TENM2: variants seen among roughly 807,000 people sequenced by gnomAD.
The protein encoded by TENM2 is teneurin transmembrane protein 2.
A neutral mutation model predicts 245.2 loss-of-function variants in TENM2; 52 were observed. The ratio of observed to expected loss-of-function variants is 0.21; its 90% CI spans 0.17 to 0.27. TENM2 has a LOEUF of 0.27. TENM2 is among the 10% of genes least tolerant of loss of function. The pLI is 1.00. For synonymous variants in TENM2, 1,363 were observed against 1,438.9 expected (o/e 0.95, Z 1.19); for missense variants, 3,046 against 3,666.8 (o/e 0.83, Z 4.37).
chr5:167,236,691 T>C, the TENM2 span, among the ~76,000 whole-genome samples: 1 of 152,276 alleles, frequency 6.6e-6, no homozygotes, highest in African/African-American at 2.4e-5. Context: ...AAGGTGAGGA[T>C]TGAGTGGTCC....
At chr5:167,194,022 G>T in the TENM2 span, among the ~76,000 whole-genome samples, 1 of 151,908 alleles carries the variant, frequency 6.6e-6, no homozygotes, top group Non-Finnish European at 1.5e-5. Flanking sequence ...TTTCATTCAA[G>T]CTCAGGTTCT....
At chr5:167,001,264 T>C in the TENM2 span, among the ~76,000 whole-genome samples, 1 of 152,184 alleles carries the variant, frequency 6.6e-6, no homozygotes, top group African/African-American at 2.4e-5. Context: ...GGTTTGCTAA[T>C]GGAAAGAAAA....
chr5:167,833,158 A>G (rs7714210), intron 2 of TENM2, among the ~76,000 whole-genome samples: 23,333 of 152,100 alleles, frequency 0.15, 3,295 homozygotes, highest in East Asian at 0.69. Flanking sequence ...TTTATTTATT[A>G]TTTGTAATTT....
intron 13 of TENM2, among the ~76,000 whole-genome samples, chr5:168,176,352 CCT>C (rs879542063): frequency 3.9e-5 from 6 of 152,202 alleles, no homozygotes; most frequent in Admixed American, 3.3e-4. Flanking sequence ...TCTTCCTCGT[CCT>C]CTCTCTGCCA....
intron 2 of TENM2, among the ~76,000 whole-genome samples, chr5:167,484,073 G>A (rs564285990): frequency 2.6e-5 from 4 of 152,284 alleles, no homozygotes; most frequent in South Asian, 4.1e-4. Flanking sequence ...GCAGCTGGGC[G>A]TGGTGGCTCA....
At chr5:167,688,639 C>A (rs1409902676) in intron 2 of TENM2, among the ~76,000 whole-genome samples, 2 of 152,150 alleles carry the variant, frequency 1.3e-5, no homozygotes, top group Non-Finnish European at 2.9e-5. Context: ...ACCATGAAAA[C>A]AAGTGCTCAT....
At chr5:167,075,741 G>T in the TENM2 span, among the ~76,000 whole-genome samples, 1 of 152,112 alleles carries the variant, frequency 6.6e-6, no homozygotes, top group South Asian at 2.1e-4. Context: ...TTGATGCAGG[G>T]CCTGGCTTGC....
chr5:168,238,013 C>T (rs1176110405), intron 25 of TENM2, among the ~76,000 whole-genome samples: 3 of 151,162 alleles, frequency 2.0e-5, no homozygotes, highest in East Asian at 3.9e-4. Context: ...GGCATGGTGG[C>T]GGGCGCCTGT....
intron 2 of TENM2, among the ~76,000 whole-genome samples, chr5:167,419,519 C>G (rs1051142645): frequency 6.6e-6 from 1 of 152,218 alleles, no homozygotes; most frequent in South Asian, 2.1e-4. Flanking sequence ...TTTAGAACGA[C>G]AAAATTTCAT....
chr5:167,503,429 G>A (rs1769340624), intron 2 of TENM2, among the ~76,000 whole-genome samples: 2 of 151,794 alleles, frequency 1.3e-5, no homozygotes, highest in African/African-American at 4.8e-5. Context: ...AAAGAAGAGA[G>A]GAAGAAAAGG....
At chr5:167,336,140 C>A (rs775125439) in intron 1 of TENM2, among the ~76,000 whole-genome samples, 17 of 148,946 alleles carry the variant, frequency 1.1e-4, no homozygotes, top group Non-Finnish European at 2.5e-4. Context: ...TACAAAAATT[C>A]ATCCATTGGC....
intron 2 of TENM2, among the ~76,000 whole-genome samples, chr5:167,446,519 T>A (rs1582070699): frequency 1.3e-5 from 2 of 152,324 alleles, no homozygotes; most frequent in East Asian, 3.9e-4. Context: ...TTCTAATATG[T>A]GACTTGGAAC....
intron 2 of TENM2, among the ~76,000 whole-genome samples, chr5:167,470,389 A>G (rs1423730700): frequency 1.4e-5 from 2 of 146,852 alleles, no homozygotes; most frequent in Non-Finnish European, 3.0e-5. Context: ...ATATGTCAGT[A>G]GAACCTTTGA....
chr5:167,893,278 T>C (rs984625129), intron 3 of TENM2, among the ~76,000 whole-genome samples: 1 of 152,232 alleles, frequency 6.6e-6, no homozygotes, highest in Admixed American at 6.5e-5. Flanking sequence ...TAAATATGCA[T>C]ATTTCCATGG....
intron 12 of TENM2, among the ~76,000 whole-genome samples, chr5:168,133,062 A>C (rs983407653): frequency 6.6e-6 from 1 of 152,188 alleles, no homozygotes; most frequent in African/African-American, 2.4e-5. Context: ...CAAGTCACCA[A>C]GCCTTCCCGA....
intron 12 of TENM2, among the ~76,000 whole-genome samples, chr5:168,161,921 C>A (rs1228055690): frequency 6.6e-6 from 1 of 151,932 alleles, no homozygotes; most frequent in Non-Finnish European, 1.5e-5. Context: ...TATATTTTTT[C>A]TTCTATCTTT....
chr5:167,585,087 C>A (rs983361826), intron 2 of TENM2, among the ~76,000 whole-genome samples: 1 of 152,176 alleles, frequency 6.6e-6, no homozygotes, highest in African/African-American at 2.4e-5. Context: ...GACCACAAAT[C>A]ATTAACCTCT....
the TENM2 span, among the ~76,000 whole-genome samples, chr5:167,053,091 T>A: frequency 1.3e-5 from 2 of 152,170 alleles, no homozygotes; most frequent in African/African-American, 4.8e-5. Flanking sequence ...GTTCCTCTAG[T>A]GGAATTCTCC....
chr5:167,099,285 T>C, the TENM2 span, among the ~76,000 whole-genome samples: 1 of 152,222 alleles, frequency 6.6e-6, no homozygotes, highest in Non-Finnish European at 1.5e-5. Context: ...GTTTGACACA[T>C]ATAAAATATC....
Sources: gnomAD v4.1 joint callset for allele counts (sites outside exome capture counted in the v4.1 genomes callset) on GRCh38, gnomAD v4.1.1 for gene constraint, MANE v1.5 for transcripts, NCBI Gene and HGNC (gene_info 2026-07-23, HGNC 2026-07-21) for gene names.